Variants in PER3 observed in about 807,000 individuals in gnomAD.
PER3 encodes period circadian regulator 3.
A neutral mutation model predicts 127.2 loss-of-function variants in PER3; 107 were observed. That is an observed-to-expected ratio of 0.84 (90% confidence interval 0.72 to 0.99). The LOEUF (loss-of-function observed/expected upper bound fraction) is 0.99, where lower values mean the gene tolerates loss of function less well. Among genes scored for constraint, PER3 ranks in the 50% least tolerant of loss-of-function variants. The probability of loss-of-function intolerance (pLI) is 0.00; values close to 1 mark genes in which losing one functional copy is unlikely to be tolerated. For synonymous variants in PER3, 618 were observed against 585.8 expected, an observed-to-expected ratio of 1.05 and a Z score of -0.79; for missense variants, 1,560 against 1,525.8, an observed-to-expected ratio of 1.02 and a Z score of -0.37.
rs1007199585 is a variant in PER3, at chr1:7,844,310, G to A, written c.*1555G>A. The A allele has an allele frequency of 8.2e-5, 13 of 157,772 alleles. No homozygotes were observed. The highest frequency in any genetic ancestry group is 1.9e-4 in the South Asian group (1 of 5,398). The allele number at this position is 157,772 out of a possible 1,614,324, so 9.8% of individuals were successfully genotyped here. On this transcript the variant is annotated 3_prime_UTR_variant, in exon 22 of 22. Coordinates refer to ENST00000377532, the MANE Select transcript of PER3 (RefSeq NM_001377275.1). ...ATTAAGCAGTTCCATGCAAATATTC[G>A]TGTTTTATAAATAGCTCTCATAGTC...
rs41278956 is a variant in PER3, at chr1:7,784,929, G to T, written c.52G>T (p.Ala18Ser). ...CGGGAGACGGGGGGCTAAGGACGAG[G>T]CCCTGGGCGAAGAATCGGGGGAGCG... The part of the protein sequence containing the change: ...GPGRRGAKDE[A>S]LGEESGERWS... Residue 18 changes from alanine to serine, a missense_variant, in exon 2 of 22, where the codon GCC (alanine) becomes TCC (serine). By Grantham distance (99) the Ala-to-Ser change is moderately conservative. This residue lies in a region of PER3 where 1,332 missense variants were observed against 1,223.6 expected (regional missense o/e 1.09). Transcript: ENST00000377532. The T allele has an allele frequency of 1.4e-3, 2,169 of 1,539,630 alleles. No homozygotes were observed. Among genetic ancestry groups the T allele is most frequent in the Non-Finnish European group, 1.8e-3 (2,035 of 1,155,040 alleles).
chr1:7,841,255 C>CTG (rs1457844333), intron 21 of PER3, among the ~76,000 whole-genome samples: 3 of 151,180 alleles, frequency 2.0e-5, no homozygotes, highest in Non-Finnish European at 4.4e-5. Context: ...CAAGCTGGGG[C>CTG]TGTACTTTGG....
chr1:7,823,701 A>G (rs1390759532), intron 16 of PER3, among the ~76,000 whole-genome samples: 3 of 152,214 alleles, frequency 2.0e-5, no homozygotes, highest in East Asian at 3.8e-4. Flanking sequence ...TTCCATAATT[A>G]TATTTGGAAA....
At chr1:7,837,233 C>A in intron 21 of PER3, 84 bp downstream of exon 21, 2 of 1,186,054 alleles carry the variant, frequency 1.7e-6, no homozygotes, top group Non-Finnish European at 2.4e-6. Flanking sequence ...CTTGCATGAT[C>A]CCACTAAAAA....
intron 7 of PER3, 75 bp downstream of exon 7, chr1:7,798,748 A>G: frequency 7.9e-7 from 1 of 1,268,548 alleles, no homozygotes; most frequent in Non-Finnish European, 1.1e-6. Context: ...CGTCAGTCAT[A>G]GAACAACAAA....
At chr1:7,814,431 T>C (rs1016213428) in intron 13 of PER3, among the ~76,000 whole-genome samples, 3 of 152,008 alleles carry the variant, frequency 2.0e-5, no homozygotes, top group African/African-American at 7.3e-5. Context: ...AAAAAGACAA[T>C]AGAGTAGCAT....
rs775746245 is a variant in PER3 at position 7,829,899 on chromosome 1, G to A, written c.2952G>A (p.Gly984=). ...CTACTACCGGTGCACTGTCCACGGG[G>A]TCACCTCCCAGGGAGAATCCATCCC... ...SPATTGALST[G]SPPRENPSHP... Residue 984 remains glycine, a synonymous_variant, in exon 19 of 22, where the codon GGG becomes GGA. Transcript: ENST00000377532. The A allele has an allele frequency of 2.5e-6, 4 of 1,613,646 alleles. No homozygotes were observed. The highest frequency in any genetic ancestry group is 1.1e-5 in the South Asian group (1 of 91,072).
At chr1:7,795,089 C>T (rs879729265) in intron 6 of PER3, among the ~76,000 whole-genome samples, 8 of 152,148 alleles carry the variant, frequency 5.3e-5, no homozygotes, top group Admixed American at 1.3e-4. Flanking sequence ...CTCATAGGCT[C>T]TGGATGCTTG....
chr1:7,804,016 A>C (rs2150729030), intron 10 of PER3, 168 bp downstream of exon 10: 1 of 529,454 alleles, frequency 1.9e-6, no homozygotes. Context: ...GAGCCTTAAA[A>C]GAAGTCATAA....
At chr1:7,799,916 G>A (rs1018829209) in intron 7 of PER3, among the ~76,000 whole-genome samples, 1 of 151,848 alleles carries the variant, frequency 6.6e-6, no homozygotes, top group Non-Finnish European at 1.5e-5. Context: ...CCACAGGCAC[G>A]CACCATCACG....
At chr1:7,788,971 T>C (rs907935772) in intron 5 of PER3, among the ~76,000 whole-genome samples, 4 of 152,038 alleles carry the variant, frequency 2.6e-5, no homozygotes, top group African/African-American at 7.2e-5. Context: ...CTGAAACTTA[T>C]GAGTCTTATT....
chr1:7,793,891 C>A, intron 5 of PER3, 66 bp from the exon 6 acceptor site: 1 of 1,304,394 alleles, frequency 7.7e-7, no homozygotes, highest in Non-Finnish European at 1.1e-6. Context: ...GATAATGGTG[C>A]AACATTGTTT....
chr1:7,831,166 C>T lies in PER3; in HGVS notation c.3214+1005C>T, dbSNP rs1358227130. Among the ~76,000 whole-genome samples, 5 of 152,256 alleles carry T rather than the reference C, an allele frequency of 3.3e-5. No homozygotes were observed. The East Asian group carries it at 5.8e-4, about 18-fold the overall frequency. The stretch of plus-strand genomic sequence containing the variant: ...GGGTTTTATAGTTTTCAGCCTACAA[C>T]CCTTACATATATTTTGCTAAATTTA... On this transcript the variant is annotated intron_variant, in intron 19 of 21. Coordinates refer to ENST00000377532, the MANE Select transcript of PER3 (RefSeq NM_001377275.1).
chr1:7,790,358 C>T (rs757176068), intron 5 of PER3, among the ~76,000 whole-genome samples: 1 of 152,056 alleles, frequency 6.6e-6, no homozygotes, highest in African/African-American at 2.4e-5. Context: ...GAATGGGAGC[C>T]GAGTGAAGGA....
chr1:7,821,950 T>C (rs954753101), intron 16 of PER3, among the ~76,000 whole-genome samples: 1 of 152,248 alleles, frequency 6.6e-6, no homozygotes, highest in Non-Finnish European at 1.5e-5. Context: ...AATGTCTTCA[T>C]TTTATGTGTG....
intron 3 of PER3, 31 bp downstream of exon 3, chr1:7,785,617 C>G (rs376925006): frequency 6.3e-7 from 1 of 1,598,194 alleles, no homozygotes; most frequent in Non-Finnish European, 8.6e-7. Context: ...TTTCATCCTA[C>G]GAATGCACCA....
intron 4 of PER3, chr1:7,787,814 T>A: frequency 1.8e-6 from 1 of 555,004 alleles, no homozygotes; most frequent in Non-Finnish European, 3.2e-6. Flanking sequence ...AATAAGCTAG[T>A]ATATTTTTTG....
intron 11 of PER3, 54 bp downstream of exon 11, chr1:7,809,052 T>G: frequency 1.2e-6 from 1 of 865,608 alleles, no homozygotes; most frequent in Non-Finnish European, 1.9e-6. Flanking sequence ...TTTGTTTTAA[T>G]GCTCAGTAAA....
At chr1:7,828,944 A>G (rs1218589307) in intron 18 of PER3, among the ~76,000 whole-genome samples, 1 of 152,230 alleles carries the variant, frequency 6.6e-6, no homozygotes, top group Non-Finnish European at 1.5e-5. Context: ...AGTGACAAAA[A>G]AAAACTACTT....
Sources: gnomAD v4.1 joint callset for allele counts (sites outside exome capture counted in the v4.1 genomes callset) on GRCh38, gnomAD v4.1.1 for gene constraint, gnomAD v4.1.1 regional missense constraint, MANE v1.5 for transcripts, NCBI Gene and HGNC (gene_info 2026-07-23, HGNC 2026-07-21) for gene names.